The following STYK1 variants were observed in gnomAD, a reference collection of about 807,000 sequenced individuals.
The protein encoded by STYK1 is tyrosine-protein kinase STYK1.
STYK1 carries 46 observed loss-of-function variants against 48.1 expected under a neutral mutation model. The observed-to-expected ratio is 0.96, with a 90% confidence interval of 0.75 to 1.22. The LOEUF is 1.22. Ranked by LOEUF, STYK1 falls within the 50% of genes most tolerant of loss-of-function variation. The pLI is 0.00. For synonymous variants in STYK1, 188 were observed against 189.0 expected (o/e 0.99, Z 0.04); for missense variants, 527 against 521.1 (o/e 1.01, Z -0.11).
intron 1 of STYK1, among the ~76,000 whole-genome samples, chr12:10,651,827 T>C (rs917324994): frequency 2.0e-5 from 3 of 152,150 alleles, no homozygotes; most frequent in Admixed American, 2.0e-4. Flanking sequence ...CCTTCTGCAA[T>C]GTATCTACTT....
intron 7 of STYK1, 73 bp downstream of exon 7, chr12:10,627,568 G>A: frequency 2.2e-6 from 3 of 1,349,070 alleles, no homozygotes; most frequent in Non-Finnish European, 2.1e-6. Flanking sequence ...ATATTAATAT[G>A]AGAAATATGG....
rs1022802193 is a variant in STYK1 at position 10,672,017 on chromosome 12, T to C, written c.-195+1949A>G. ...GCAGAGATAATCAATTAAAATGAGG[T>C]AATTAGGATGGACCCTAATCCAATA... On this transcript the variant is annotated intron_variant, in intron 1 of 10. Coordinates refer to ENST00000075503, the MANE Select transcript of STYK1 (RefSeq NM_018423.3). This position sits in a 1 kb window ranked among gnomAD's most constrained non-coding sequence, Gnocchi z 4.0. Among the ~76,000 whole-genome samples, 6 of 152,108 alleles carry C rather than the reference T, an allele frequency of 3.9e-5. No individual in the cohort carries two copies. The highest frequency in any genetic ancestry group is 5.9e-5 in the Non-Finnish European group (4 of 68,016).
chr12:10,631,104 G>C lies in STYK1; in HGVS notation c.392C>G (p.Ala131Gly), dbSNP rs763682376. Residue 131 changes from alanine (A) to glycine (G), a missense_variant, in exon 5 of 11, where the codon GCC (alanine) becomes GGC (glycine). Physicochemically the swap from Ala to Gly is moderately conservative, Grantham distance 60. Coordinates refer to ENST00000075503, the MANE Select transcript of STYK1 (RefSeq NM_018423.3). Reference sequence around the variant, plus strand: ...AGAAGGGTCCCCAGTGTTCATATTGGCTCGAAAGATGGGCCCACAGCTACC... The same window carrying C: ...AGAAGGGTCCCCAGTGTTCATATTGCCTCGAAAGATGGGCCCACAGCTACC... Reference protein sequence around the residue: ...CSGSCGPIFRANMNTGDPSKP... With the variant: ...CSGSCGPIFRGNMNTGDPSKP... 2.0e-5 allele frequency: 33 copies of C among 1,614,098 alleles called. No individual in the cohort carries two copies. In the African/African-American group the frequency reaches 4.3e-4, roughly 21 times the overall value.
chr12:10,648,473 G>A (rs758435502), intron 1 of STYK1, among the ~76,000 whole-genome samples: 9 of 151,842 alleles, frequency 5.9e-5, no homozygotes, highest in Non-Finnish European at 1.0e-4. Flanking sequence ...AAGTAAATGA[G>A]TTCACTGAAA....
intron 1 of STYK1, among the ~76,000 whole-genome samples, chr12:10,671,312 C>G (rs1408035944): frequency 6.6e-6 from 1 of 151,966 alleles, no homozygotes; most frequent in Non-Finnish European, 1.5e-5. Flanking sequence ...TTTTTAATAG[C>G]GTTGAAATAG....
chr12:10,634,062 T>A lies in STYK1; in HGVS notation c.115A>T (p.Ile39Phe), dbSNP rs755541966. 1.1e-5 allele frequency: 17 copies of A among 1,614,142 alleles called. No homozygotes were observed. The highest frequency in any genetic ancestry group is 1.0e-4 in the Admixed American group (6 of 60,008). Reference protein sequence around the residue: ...VPTLLVTIFLILLGVILWLFI... With the variant: ...VPTLLVTIFLFLLGVILWLFI... ...AGCCACAGGATGACCCCAAGAAGGA[T>A]GAGGAAGATAGTAACCAACAAAGTT... The change falls in exon 4 of 11, where the codon ATC becomes TTC. Residue 39 changes from isoleucine to phenylalanine, a missense_variant. By Grantham distance (21) the Ile-to-Phe change is conservative (BLOSUM62 0). Transcript: ENST00000075503.
At chr12:10,650,229 A>G (rs1408235695) in intron 1 of STYK1, among the ~76,000 whole-genome samples, 1 of 151,634 alleles carries the variant, frequency 6.6e-6, no homozygotes, top group Non-Finnish European at 1.5e-5. Context: ...TGGGACTCCC[A>G]GGAACAAAGT....
At chr12:10,655,002 C>T (rs1947702701) in intron 1 of STYK1, among the ~76,000 whole-genome samples, 1 of 152,198 alleles carries the variant, frequency 6.6e-6, no homozygotes, top group Non-Finnish European at 1.5e-5. Context: ...CTGTAGGCAA[C>T]ACTTTTATCC....
chr12:10,651,272 G>T (rs1481968715), intron 1 of STYK1, among the ~76,000 whole-genome samples: 1 of 152,052 alleles, frequency 6.6e-6, no homozygotes, highest in Admixed American at 6.6e-5. Context: ...CATGATAAAG[G>T]CATATTTATT....
intron 4 of STYK1, among the ~76,000 whole-genome samples, chr12:10,632,508 A>C (rs935406064): frequency 1.3e-5 from 2 of 152,224 alleles, no homozygotes; most frequent in Non-Finnish European, 2.9e-5. Context: ...CCCAGATCAC[A>C]TAAGGCCATG....
intron 1 of STYK1, among the ~76,000 whole-genome samples, chr12:10,665,042 G>T (rs538701673): frequency 6.6e-6 from 1 of 152,294 alleles, no homozygotes; most frequent in African/African-American, 2.4e-5. Flanking sequence ...TAATTAGACT[G>T]TCCCTAAGTA....
Position 10,666,379 on chromosome 12 carries a change from A to G in STYK1, c.-195+7587T>C, listed in dbSNP as rs1012535482. Among the ~76,000 whole-genome samples the G allele has an allele frequency of 4.6e-5, 7 of 152,350 alleles. No homozygotes were observed. The East Asian group carries it at 1.3e-3, about 29-fold the overall frequency. ...TATTTTTCACCACTTATTTGGTAGCATAATATGAATATAACATAATACTGT... is the reference window on the plus strand; with the variant it reads ...TATTTTTCACCACTTATTTGGTAGCGTAATATGAATATAACATAATACTGT... On this transcript the variant is annotated intron_variant, in intron 1 of 10. Transcript: ENST00000075503.
At chr12:10,655,490 T>C (rs1947708227) in intron 1 of STYK1, among the ~76,000 whole-genome samples, 1 of 152,214 alleles carries the variant, frequency 6.6e-6, no homozygotes, top group African/African-American at 2.4e-5. Flanking sequence ...CACAATGGCA[T>C]CCCTGGTTCA....
In STYK1 at chr12:10,624,879, T is replaced by C; in HGVS notation, c.718-20A>G. On this transcript the variant is annotated intron_variant, in intron 7 of 10. Transcript: ENST00000075503. ...GAATTCCTGTCAAGATAAAATCAAA[T>C]ATGATCAGCTGTCTGAGATCACAGC... 6.2e-7 allele frequency: 1 copy of C among 1,609,682 alleles called. No homozygotes were observed. Among genetic ancestry groups the C allele is most frequent in the South Asian group, 1.1e-5 (1 of 90,998 alleles).
chr12:10,655,286 T>C (rs900912957), intron 1 of STYK1, among the ~76,000 whole-genome samples: 16 of 152,334 alleles, frequency 1.1e-4, no homozygotes, highest in African/African-American at 3.8e-4. Flanking sequence ...CTTGTAACCA[T>C]GTGGCAGTAC....
At chr12:10,622,052 G>T in intron 9 of STYK1, 80 bp from the exon 10 acceptor site, 1 of 1,335,074 alleles carries the variant, frequency 7.5e-7, no homozygotes. Context: ...ATCCACTTGG[G>T]TTGGTTGCTT....
chr12:10,667,933 T>A (rs1947849763), intron 1 of STYK1, among the ~76,000 whole-genome samples: 1 of 152,102 alleles, frequency 6.6e-6, no homozygotes, highest in South Asian at 2.1e-4. Context: ...GAAGGACACC[T>A]GGGCTGAGGA....
In STYK1 at chr12:10,631,128, C is replaced by T. The variant is rs779093298; in HGVS notation, c.368G>A (p.Gly123Asp). 6.2e-7 allele frequency: 1 copy of T among 1,614,192 alleles called. No homozygotes were observed. Among genetic ancestry groups the T allele is most frequent in the Non-Finnish European group, 8.5e-7 (1 of 1,180,034 alleles). ...LSEVLEQICS[G>D]SCGPIFRANM... ...GGCTCGAAAGATGGGCCCACAGCTA[C>T]CACTGCAAATCTGCTCCAGAACTTC... Residue 123 changes from glycine to aspartate, a missense_variant, in exon 5 of 11, where the codon GGT (glycine) becomes GAT (aspartate). Coordinates refer to ENST00000075503, the MANE Select transcript of STYK1 (RefSeq NM_018423.3).
intron 2 of STYK1, among the ~76,000 whole-genome samples, chr12:10,635,985 A>C (rs1358011676): frequency 6.6e-6 from 1 of 152,238 alleles, no homozygotes; most frequent in Non-Finnish European, 1.5e-5. Context: ...AATAAGTCTA[A>C]ATATGTGATC....
Sources: gnomAD v4.1 joint callset for allele counts (sites outside exome capture counted in the v4.1 genomes callset) on GRCh38, gnomAD v4.1.1 for gene constraint, Gnocchi (gnomAD v3.1) non-coding constraint, MANE v1.5 for transcripts, NCBI Gene and HGNC (gene_info 2026-07-23, HGNC 2026-07-21) for gene names.